Variants in PDIA5 observed in about 807,000 individuals in gnomAD.
PDIA5 encodes the protein protein disulfide-isomerase A5.
Under a neutral mutation model 77.6 loss-of-function variants are expected in PDIA5, and 58 were observed. The observed-to-expected ratio is 0.75, with a 90% CI of 0.61 to 0.93. The LOEUF (loss-of-function observed/expected upper bound fraction) is 0.93. Ranked by LOEUF, PDIA5 falls within the 40% of genes least tolerant of loss-of-function variation. The probability of loss-of-function intolerance (pLI) is 0.00; values close to 1 mark genes in which losing one functional copy is unlikely to be tolerated. For synonymous variants in PDIA5, 250 were observed against 252.1 expected (o/e 0.99, Z 0.08); for missense variants, 630 against 647.7 (o/e 0.97, Z 0.30).
chr3:123,086,894 G>A (rs1934154127), intron 1 of PDIA5, among the ~76,000 whole-genome samples: 1 of 152,144 alleles, frequency 6.6e-6, no homozygotes, highest in African/African-American at 2.4e-5. Flanking sequence ...TGGTAGTTTG[G>A]CTGGTTACAG....
intron 16 of PDIA5, 45 bp downstream of exon 16, chr3:123,161,500 T>C: frequency 6.3e-7 from 1 of 1,593,414 alleles, no homozygotes; most frequent in Non-Finnish European, 8.5e-7. Flanking sequence ...TCTCTGCTGA[T>C]GGGCAGGGAA....
chr3:123,090,378 A>C (rs1181426617), intron 2 of PDIA5, among the ~76,000 whole-genome samples: 1 of 152,204 alleles, frequency 6.6e-6, no homozygotes, highest in Non-Finnish European at 1.5e-5. Flanking sequence ...CCGGAGTTGG[A>C]ACTAGGAGGA....
chr3:123,069,341 CA>C (rs1933667156), intron 1 of PDIA5, among the ~76,000 whole-genome samples: 1 of 152,156 alleles, frequency 6.6e-6, no homozygotes, highest in Non-Finnish European at 1.5e-5. Context: ...GATATACACC[CA>C]CCACATTTTT....
intron 1 of PDIA5, among the ~76,000 whole-genome samples, chr3:123,084,709 G>A (rs943942322): frequency 2.0e-5 from 3 of 152,130 alleles, no homozygotes; most frequent in Non-Finnish European, 2.9e-5. Flanking sequence ...CTCCCAGCCC[G>A]GAATTCTAAG....
intron 11 of PDIA5, among the ~76,000 whole-genome samples, chr3:123,136,571 T>G (rs1234304992): frequency 6.6e-6 from 1 of 152,034 alleles, no homozygotes; most frequent in Non-Finnish European, 1.5e-5. Flanking sequence ...AAACTCTGTC[T>G]CTACTAAAAA....
intron 11 of PDIA5, among the ~76,000 whole-genome samples, chr3:123,137,713 ATAGCCAAAAAG>A (rs1456830248): frequency 6.6e-6 from 1 of 152,170 alleles, no homozygotes; most frequent in Non-Finnish European, 1.5e-5. Context: ...CAAAGGTCAC[ATAGCCAAAAAG>A]TGCAGCCAGG....
rs536271835 is a variant in PDIA5, at chr3:123,102,564, A to G, written c.341+70A>G. On this transcript the variant is annotated intron_variant, in intron 4 of 16. Coordinates refer to ENST00000316218, the MANE Select transcript of PDIA5 (RefSeq NM_006810.4). ...GCTTTCATTGGTATTTTCAGCGAAC[A>G]GCAATTTTTAGTTAGATTAATTTTA... 7.5e-6 allele frequency: 9 copies of G among 1,192,222 alleles called. No individual in the cohort carries two copies. The Admixed American group carries it at 1.1e-4, about 14-fold the overall frequency. The allele number at this position is 1,192,222 out of a possible 1,614,324, so 73.9% of individuals were successfully genotyped here. A position where few individuals can be genotyped will look rare whatever the true frequency, so the allele number is the denominator to read the frequency against.
intron 8 of PDIA5, among the ~76,000 whole-genome samples, chr3:123,122,090 A>T (rs1935134332): frequency 6.6e-6 from 1 of 152,218 alleles, no homozygotes; most frequent in African/African-American, 2.4e-5. Context: ...TACAATGAAG[A>T]GTTTTGTAAG....
chr3:123,124,163 TC>T lies in PDIA5; in HGVS notation c.701+11del. 6.2e-7 allele frequency: 1 copy of T among 1,608,922 alleles called. No individual in the cohort carries two copies. The highest frequency in any genetic ancestry group is 8.5e-7 in the Non-Finnish European group (1 of 1,175,174). ...CCCACCATCTGCTATTTTGAGTACGTCCCCCACTTTCCTTCTAAAGCTCACC... is the reference window on the plus strand; with the variant it reads ...CCCACCATCTGCTATTTTGAGTACGTCCCCACTTTCCTTCTAAAGCTCACC... On this transcript the variant is annotated splice_region_variant and intron_variant, in intron 9 of 16. Coordinates refer to ENST00000316218, the MANE Select transcript of PDIA5 (RefSeq NM_006810.4).
At chr3:123,096,029 C>G (rs866816472) in intron 3 of PDIA5, among the ~76,000 whole-genome samples, 8 of 152,184 alleles carry the variant, frequency 5.3e-5, no homozygotes, top group Middle Eastern at 3.4e-3. Flanking sequence ...GCCTTCTAGT[C>G]TTTCAGGGGG....
intron 3 of PDIA5, among the ~76,000 whole-genome samples, chr3:123,093,708 C>T (rs1934356970): frequency 6.6e-6 from 1 of 152,142 alleles, no homozygotes; most frequent in Non-Finnish European, 1.5e-5. Context: ...AGACACTTAG[C>T]CCAGCGATTA....
At chr3:123,129,431 G>T (rs1052554351) in intron 10 of PDIA5, among the ~76,000 whole-genome samples, 5 of 152,208 alleles carry the variant, frequency 3.3e-5, no homozygotes, top group Non-Finnish European at 7.3e-5. Context: ...GGAGGGAAGT[G>T]GGTGGCAGAG....
chr3:123,158,543 C>T (rs872554), intron 15 of PDIA5, among the ~76,000 whole-genome samples: 25,852 of 152,142 alleles, frequency 0.17, 2,733 homozygotes, highest in Non-Finnish European at 0.23. Context: ...AAGGCTCAGT[C>T]CCACAGGAGA....
intron 1 of PDIA5, among the ~76,000 whole-genome samples, chr3:123,078,055 G>T (rs554173111): frequency 6.6e-6 from 1 of 152,094 alleles, no homozygotes; most frequent in Non-Finnish European, 1.5e-5. Context: ...TGATCCGCTC[G>T]CCTCAGCCTC....
chr3:123,159,618 G>C (rs1181439088), intron 15 of PDIA5, among the ~76,000 whole-genome samples: 1 of 152,210 alleles, frequency 6.6e-6, no homozygotes, highest in African/African-American at 2.4e-5. Context: ...AGCTAATTCA[G>C]ATTTATTTTT....
At chr3:123,068,749 AAC>A (rs1394542788) in intron 1 of PDIA5, among the ~76,000 whole-genome samples, 38 of 152,180 alleles carry the variant, frequency 2.5e-4, no homozygotes, top group African/African-American at 4.8e-5. Context: ...CGGAGAGCAA[AAC>A]ACACATTGTA....
At chr3:123,101,385 G>A (rs2667468) in intron 3 of PDIA5, among the ~76,000 whole-genome samples, 105,735 of 152,042 alleles carry the variant, frequency 0.7, 37,183 homozygotes, top group Non-Finnish European at 0.74. Flanking sequence ...GTTCTAACAG[G>A]CAGGGCACCA....
intron 13 of PDIA5, among the ~76,000 whole-genome samples, chr3:123,148,797 T>G (rs1935822838): frequency 6.6e-6 from 1 of 152,178 alleles, no homozygotes; most frequent in Non-Finnish European, 1.5e-5. Context: ...GGACAAATAG[T>G]AGTTCTTCCG....
chr3:123,081,335 AG>A, intron 1 of PDIA5, among the ~76,000 whole-genome samples: 1 of 152,362 alleles, frequency 6.6e-6, no homozygotes, highest in East Asian at 1.9e-4. Flanking sequence ...AATCAAAGTC[AG>A]CACAAAACTT....
Sources: allele counts gnomAD v4.1 joint callset (sites outside exome capture counted in the v4.1 genomes callset), GRCh38; gene constraint gnomAD v4.1.1; transcripts MANE v1.5; gene names NCBI Gene and HGNC (gene_info 2026-07-23, HGNC 2026-07-21).